WWOX: variants seen among roughly 807,000 people sequenced by gnomAD.
The protein encoded by WWOX is WW domain containing oxidoreductase.
WWOX carries 69 observed loss-of-function variants against 46.2 expected under a neutral mutation model. The ratio of observed to expected loss-of-function variants is 1.49; its 90% CI spans 1.23 to 1.82. WWOX has a LOEUF of 1.82. Ranked by LOEUF, WWOX falls within the 40% of genes most tolerant of loss-of-function variation. The pLI, the probability that WWOX is intolerant of heterozygous loss-of-function variation, is 0.00. For synonymous variants in WWOX, 359 were observed against 202.6 expected, an observed-to-expected ratio of 1.77 and a Z score of -6.56; for missense variants, 919 against 542.6, an observed-to-expected ratio of 1.69 and a Z score of -6.89.
intron 8 of WWOX, among the ~76,000 whole-genome samples, chr16:78,806,583 C>A (rs1047833392): frequency 3.9e-5 from 6 of 152,110 alleles, no homozygotes; most frequent in Non-Finnish European, 7.3e-5. Flanking sequence ...GGAACACCTA[C>A]ACATTGTCTC....
intron 8 of WWOX, among the ~76,000 whole-genome samples, chr16:78,809,590 T>A (rs1162145663): frequency 2.0e-5 from 3 of 152,142 alleles, no homozygotes; most frequent in African/African-American, 7.2e-5. Context: ...ATGTCTTCTT[T>A]CCCTCCTCCT....
intron 5 of WWOX, 29 bp downstream of exon 5, chr16:78,164,318 T>C (rs760894625): frequency 1.9e-6 from 3 of 1,599,460 alleles, no homozygotes. Context: ...TTGTTTTTTT[T>C]AATTGTCAAA....
At chr16:79,071,505 TG>T (rs1199261336) in intron 8 of WWOX, among the ~76,000 whole-genome samples, 2 of 152,222 alleles carry the variant, frequency 1.3e-5, no homozygotes, top group African/African-American at 4.8e-5. Flanking sequence ...GTTTGAAAAC[TG>T]TTTTTATTGC....
At chr16:79,049,938 A>G (rs2150526694) in intron 8 of WWOX, among the ~76,000 whole-genome samples, 1 of 152,194 alleles carries the variant, frequency 6.6e-6, no homozygotes, top group African/African-American at 2.4e-5. Flanking sequence ...TGGTTCCATT[A>G]AGGGAAAGAC....
At chr16:78,109,929 C>G in intron 3 of WWOX, 94 bp downstream of exon 3, 2 of 1,312,034 alleles carry the variant, frequency 1.5e-6, no homozygotes, top group South Asian at 1.2e-5. Flanking sequence ...TAGAAAAATA[C>G]AAAGTATAAC....
At chr16:79,068,967 C>T (rs187655387) in intron 8 of WWOX, among the ~76,000 whole-genome samples, 18 of 152,210 alleles carry the variant, frequency 1.2e-4, no homozygotes, top group South Asian at 6.2e-4. Flanking sequence ...AGTTGTCTTA[C>T]GCACAGGCGT....
At chr16:78,889,623 A>G (rs545883334) in intron 8 of WWOX, among the ~76,000 whole-genome samples, 1 of 152,292 alleles carries the variant, frequency 6.6e-6, no homozygotes, top group South Asian at 2.1e-4. Context: ...GGGAAATGGA[A>G]TAAGCTAGAA....
chr16:78,283,956 G>A (rs903465384), intron 5 of WWOX, among the ~76,000 whole-genome samples: 16 of 152,148 alleles, frequency 1.1e-4, no homozygotes, highest in Non-Finnish European at 2.1e-4. Flanking sequence ...CCTCTGAAGG[G>A]TACAGTAACC....
chr16:78,841,873 T>C (rs4888859), intron 8 of WWOX, among the ~76,000 whole-genome samples: 99,051 of 152,100 alleles, frequency 0.65, 32,580 homozygotes, highest in South Asian at 0.77. Flanking sequence ...TAAGGGGTTA[T>C]ACAATATTTC....
rs1413079038 is a variant in WWOX at position 78,636,678 on chromosome 16, G to C, written c.1056+203926G>C. On this transcript the variant is annotated intron_variant, in intron 8 of 8. Transcript: ENST00000566780. Reference sequence around the variant, plus strand: ...AATTCTAAGAGGGCCTGAAAGGTAAGTGCTCACTTACTGAGGTGTGTGAAC... The same window carrying C: ...AATTCTAAGAGGGCCTGAAAGGTAACTGCTCACTTACTGAGGTGTGTGAAC... Among the ~76,000 whole-genome samples the C allele has an allele frequency of 2.6e-5, 4 of 152,184 alleles. 1 individual carries two copies. The South Asian group carries it at 6.2e-4, about 24-fold the overall frequency.
rs187820492 is a variant in WWOX at position 78,665,896 on chromosome 16, G to C, written c.1056+233144G>C. On this transcript the variant is annotated intron_variant, in intron 8 of 8. Coordinates refer to ENST00000566780, the MANE Select transcript of WWOX (RefSeq NM_016373.4). ...GATGGAGTTTCACCATGTTGGCCAG[G>C]CTGGTCTTGAACTCCTGACTTCAAG... Among the ~76,000 whole-genome samples, 727 of 152,082 alleles carry C rather than the reference G, an allele frequency of 4.8e-3. 6 individuals carry two copies. Among genetic ancestry groups the C allele is most frequent in the Non-Finnish European group, 7.1e-3 (482 of 67,998 alleles).
chr16:78,967,058 G>A (rs1487463341), intron 8 of WWOX, among the ~76,000 whole-genome samples: 1 of 152,078 alleles, frequency 6.6e-6, no homozygotes, highest in Non-Finnish European at 1.5e-5. Context: ...GTCCATTGTT[G>A]TCCTTTCTTT....
intron 6 of WWOX, among the ~76,000 whole-genome samples, chr16:78,424,603 A>G (rs1475392520): frequency 6.6e-6 from 1 of 152,168 alleles, no homozygotes; most frequent in Non-Finnish European, 1.5e-5. Context: ...CCTGGTTTTC[A>G]CACTGAAAGT....
chr16:79,123,699 G>A (rs1487073966), intron 8 of WWOX, among the ~76,000 whole-genome samples: 1 of 152,052 alleles, frequency 6.6e-6, no homozygotes, highest in South Asian at 2.1e-4. Context: ...CCCTTTACCT[G>A]TCAGCTGTAG....
chr16:78,322,156 G>C (rs1236613701), intron 5 of WWOX, among the ~76,000 whole-genome samples: 1 of 152,110 alleles, frequency 6.6e-6, no homozygotes, highest in African/African-American at 2.4e-5. Flanking sequence ...CAGGGGGATG[G>C]TTGGTGGGGG....
chr16:78,739,863 G>A (rs926529819), intron 8 of WWOX, among the ~76,000 whole-genome samples: 10 of 152,152 alleles, frequency 6.6e-5, no homozygotes, highest in Non-Finnish European at 1.2e-4. Flanking sequence ...TATTATGGAA[G>A]AAGAAGCAGG....
chr16:78,779,823 A>G (rs1477411), intron 8 of WWOX, among the ~76,000 whole-genome samples: 42,296 of 151,958 alleles, frequency 0.28, 6,293 homozygotes, highest in South Asian at 0.37. Context: ...TCTGGCCCCA[A>G]GGAAGGAAAG....
chr16:78,594,327 T>C (rs759654008), intron 8 of WWOX, among the ~76,000 whole-genome samples: 1 of 149,998 alleles, frequency 6.7e-6, no homozygotes, highest in Non-Finnish European at 1.5e-5. Context: ...AGCAATACTC[T>C]CCAGCAGCAA....
At chr16:78,380,456 G>T (rs1875269055) in intron 5 of WWOX, among the ~76,000 whole-genome samples, 1 of 152,126 alleles carries the variant, frequency 6.6e-6, no homozygotes, top group African/African-American at 2.4e-5. Context: ...GACTGAAATG[G>T]TTGTTGTTTT....
Sources: gnomAD v4.1 joint callset for allele counts (sites outside exome capture counted in the v4.1 genomes callset) on GRCh38, gnomAD v4.1.1 for gene constraint, MANE v1.5 for transcripts, NCBI Gene and HGNC (gene_info 2026-07-23, HGNC 2026-07-21) for gene names.